GALNT13: variants seen among roughly 807,000 people sequenced by gnomAD.
The protein encoded by GALNT13 is UDP-GalNAc:polypeptide N-acetylgalactosaminyltransferase 13.
Under a neutral mutation model 64.2 loss-of-function variants are expected in GALNT13, and 28 were observed. The observed-to-expected ratio is 0.44, with a 90% CI of 0.32 to 0.60. The LOEUF is 0.60. Among genes scored for constraint, GALNT13 ranks in the 20% least tolerant of loss-of-function variants. GALNT13 has a pLI of 0.05. For synonymous variants in GALNT13, 214 were observed against 224.6 expected (o/e 0.95, Z 0.42); for missense variants, 577 against 669.8 (o/e 0.86, Z 1.53).
At chr2:154,232,355 T>A (rs1688961636) in intron 4 of GALNT13, among the ~76,000 whole-genome samples, 1 of 152,132 alleles carries the variant, frequency 6.6e-6, no homozygotes, top group South Asian at 2.1e-4. Context: ...TTTATTCCCA[T>A]TTGTTCCCAT....
chr2:153,869,064 T>C (rs1233081950), upstream of GALNT13, among the ~76,000 whole-genome samples: 1 of 152,204 alleles, frequency 6.6e-6, no homozygotes, highest in Non-Finnish European at 1.5e-5. Context: ...AATGGTGTTA[T>C]AAAAGGTTGC....
At chr2:153,586,086 A>G in the GALNT13 span, among the ~76,000 whole-genome samples, 1 of 152,196 alleles carries the variant, frequency 6.6e-6, no homozygotes, top group African/African-American at 2.4e-5. Flanking sequence ...GAAAGGAATC[A>G]AATGACACCA....
At chr2:153,643,172 T>C in the GALNT13 span, among the ~76,000 whole-genome samples, 1 of 151,224 alleles carries the variant, frequency 6.6e-6, no homozygotes, top group Non-Finnish European at 1.5e-5. Context: ...ATTAATAAAA[T>C]GGAATATAAC....
chr2:153,227,479 A>T, the GALNT13 span, among the ~76,000 whole-genome samples: 1 of 152,182 alleles, frequency 6.6e-6, no homozygotes, highest in South Asian at 2.1e-4. Context: ...TAGATCATAT[A>T]CAGCAATCTC....
At chr2:154,062,846 T>C (rs1008956374) in intron 3 of GALNT13, among the ~76,000 whole-genome samples, 3 of 94,182 alleles carry the variant, frequency 3.2e-5, no homozygotes, top group Non-Finnish European at 6.8e-5. Flanking sequence ...TAATTCAACA[T>C]GGAATGTTTT....
At chr2:153,497,522 A>ATTTTTTTTTTTT in the GALNT13 span, among the ~76,000 whole-genome samples, 104 of 36,886 alleles carry the variant, frequency 2.8e-3, 30 homozygotes, top group African/African-American at 4.8e-3. Context: ...TTTCTCCCGC[A>ATTTTTTTTTTTT]TTTTTTTTTT....
chr2:153,307,676 A>G, the GALNT13 span, among the ~76,000 whole-genome samples: 2 of 152,252 alleles, frequency 1.3e-5, no homozygotes, highest in East Asian at 3.9e-4. Flanking sequence ...ACACAGATGG[A>G]AAATGACAAA....
At chr2:153,267,474 C>A in the GALNT13 span, among the ~76,000 whole-genome samples, 2 of 152,206 alleles carry the variant, frequency 1.3e-5, no homozygotes, top group Non-Finnish European at 2.9e-5. Context: ...AGGCCCAACA[C>A]CACCTGGAAG....
At chr2:153,283,231 C>T in the GALNT13 span, among the ~76,000 whole-genome samples, 2 of 152,174 alleles carry the variant, frequency 1.3e-5, no homozygotes, top group Admixed American at 6.5e-5. Context: ...ATTCTGTAGG[C>T]AGCCACTAAG....
the GALNT13 span, among the ~76,000 whole-genome samples, chr2:153,336,955 C>T: frequency 6.6e-6 from 1 of 152,118 alleles, no homozygotes; most frequent in South Asian, 2.1e-4. Flanking sequence ...ATGGGTTTAT[C>T]AGGGGTTTCC....
At chr2:153,169,384 TTGA>T in the GALNT13 span, among the ~76,000 whole-genome samples, 1 of 152,130 alleles carries the variant, frequency 6.6e-6, no homozygotes, top group South Asian at 2.1e-4. Flanking sequence ...ATGATTCTTG[TTGA>T]TGTTTGGTAA....
intron 4 of GALNT13, among the ~76,000 whole-genome samples, chr2:154,155,429 C>T (rs1411390152): frequency 4.6e-5 from 7 of 151,956 alleles, no homozygotes; most frequent in Non-Finnish European, 7.4e-5. Context: ...TAGAAAAATC[C>T]TATGTGGAGG....
At chr2:153,757,595 C>T in the GALNT13 span, among the ~76,000 whole-genome samples, 1 of 152,050 alleles carries the variant, frequency 6.6e-6, no homozygotes, top group African/African-American at 2.4e-5. Flanking sequence ...AAATTACATT[C>T]CCAACAATAG....
the GALNT13 span, among the ~76,000 whole-genome samples, chr2:153,246,867 G>GTA: frequency 2.3e-4 from 35 of 152,124 alleles, no homozygotes; most frequent in African/African-American, 8.5e-4. Context: ...TGGATAAAGT[G>GTA]TCAAGACCCA....
intron 4 of GALNT13, among the ~76,000 whole-genome samples, chr2:154,208,693 G>T (rs1395159924): frequency 6.8e-6 from 1 of 147,600 alleles, no homozygotes; most frequent in Non-Finnish European, 1.5e-5. Context: ...TTTATGCCTA[G>T]AACAGTGCTG....
chr2:153,205,990 C>T, the GALNT13 span, among the ~76,000 whole-genome samples: 1 of 151,606 alleles, frequency 6.6e-6, no homozygotes, highest in Non-Finnish European at 1.5e-5. Context: ...CTCAATAAGT[C>T]CTGAATAATT....
intron 3 of GALNT13, among the ~76,000 whole-genome samples, chr2:154,102,648 C>T (rs1291770099): frequency 1.3e-5 from 2 of 152,052 alleles, no homozygotes; most frequent in East Asian, 1.9e-4. Flanking sequence ...CGTAACCAAA[C>T]ATGACGTGTT....
At chr2:153,943,503 T>G (rs1025541850) in intron 2 of GALNT13, among the ~76,000 whole-genome samples, 2 of 151,928 alleles carry the variant, frequency 1.3e-5, no homozygotes, top group African/African-American at 4.8e-5. Flanking sequence ...GTATGTATTT[T>G]TTTTTTTTGA....
At chr2:153,764,769 T>C in the GALNT13 span, among the ~76,000 whole-genome samples, 1 of 152,160 alleles carries the variant, frequency 6.6e-6, no homozygotes, top group Non-Finnish European at 1.5e-5. Context: ...CTTGAAGTAA[T>C]AAATGGTTTT....
Sources: gnomAD v4.1 joint callset for allele counts (sites outside exome capture counted in the v4.1 genomes callset) on GRCh38, gnomAD v4.1.1 for gene constraint, MANE v1.5 for transcripts, NCBI Gene and HGNC (gene_info 2026-07-23, HGNC 2026-07-21) for gene names.